GPC6: variants seen among roughly 807,000 people sequenced by gnomAD.
GPC6 encodes glypican-6.
Under a neutral mutation model 55.2 loss-of-function variants are expected in GPC6, and 14 were observed. That is an observed-to-expected ratio of 0.25 (90% confidence interval 0.17 to 0.40). GPC6 has a LOEUF of 0.40. GPC6 is among the 10% of genes least tolerant of loss of function. The pLI is 1.00. For missense variants in GPC6, 641 were observed against 708.5 expected, an observed-to-expected ratio of 0.90 and a Z score of 1.08; for synonymous variants, 278 against 259.6, an observed-to-expected ratio of 1.07 and a Z score of -0.68.
intron 6 of GPC6, among the ~76,000 whole-genome samples, chr13:94,360,946 G>A (rs2139180506): frequency 6.6e-6 from 1 of 152,312 alleles, no homozygotes; most frequent in East Asian, 1.9e-4. Context: ...CACTGTTCTT[G>A]TGAGGTTGTG....
Position 93,315,661 on chromosome 13 carries a change from T to G in GPC6, c.160+88045T>G, listed in dbSNP as rs1879222425. On this transcript the variant is annotated intron_variant, in intron 1 of 8. Transcript: ENST00000377047. Reference sequence around the variant, plus strand: ...ACTAAGACTAAAAGTGTACCTAAGATTGGTTGTTGTGAAGTTTTAAAAATG... The same window carrying G: ...ACTAAGACTAAAAGTGTACCTAAGAGTGGTTGTTGTGAAGTTTTAAAAATG... Among the ~76,000 whole-genome samples the G allele has an allele frequency of 4.6e-5, 7 of 151,880 alleles. 1 individual carries two copies. The South Asian group carries it at 1.4e-3, about 31-fold the overall frequency.
intron 3 of GPC6, among the ~76,000 whole-genome samples, chr13:93,881,779 T>G (rs1425962001): frequency 6.6e-6 from 1 of 152,144 alleles, no homozygotes; most frequent in Non-Finnish European, 1.5e-5. Flanking sequence ...AATATCCTAG[T>G]GTTCATTCTA....
At chr13:93,822,111 A>G (rs1440657136) in intron 2 of GPC6, among the ~76,000 whole-genome samples, 1 of 152,040 alleles carries the variant, frequency 6.6e-6, no homozygotes, top group Non-Finnish European at 1.5e-5. Flanking sequence ...GATTTACACA[A>G]TATTGTCTGT....
At chr13:94,237,405 A>G (rs1362694794) in intron 4 of GPC6, among the ~76,000 whole-genome samples, 1 of 151,838 alleles carries the variant, frequency 6.6e-6, no homozygotes, top group Non-Finnish European at 1.5e-5. Context: ...TATGACAACT[A>G]CACCTGTGAA....
chr13:93,935,539 T>C (rs1159103599), intron 3 of GPC6, among the ~76,000 whole-genome samples: 1 of 152,232 alleles, frequency 6.6e-6, no homozygotes, highest in Non-Finnish European at 1.5e-5. Context: ...TTTGCTATTG[T>C]GAATAGTGCT....
At chr13:93,423,099 A>G (rs1402280029) in intron 1 of GPC6, among the ~76,000 whole-genome samples, 1 of 152,170 alleles carries the variant, frequency 6.6e-6, no homozygotes, top group East Asian at 1.9e-4. Flanking sequence ...CAAATTACTT[A>G]ACCTCTTTCA....
At chr13:94,363,731 G>A (rs1594207636) in intron 6 of GPC6, among the ~76,000 whole-genome samples, 1 of 152,164 alleles carries the variant, frequency 6.6e-6, no homozygotes, top group African/African-American at 2.4e-5. Context: ...GGGATGTGCT[G>A]TAGACAGAAC....
At chr13:94,158,876 G>A (rs1231114226) in intron 4 of GPC6, among the ~76,000 whole-genome samples, 1 of 152,052 alleles carries the variant, frequency 6.6e-6, no homozygotes, top group Non-Finnish European at 1.5e-5. Flanking sequence ...GCATATGGCA[G>A]CTTTTATTAA....
rs67581832 is a variant in GPC6, at chr13:93,843,079, C to CTT, written c.711+12548_711+12549dup. Among the ~76,000 whole-genome samples the CTT allele has an allele frequency of 7.4e-5, 10 of 134,372 alleles. No individual in the cohort carries two copies. In the East Asian group the frequency reaches 8.5e-4, roughly 11 times the overall value. The allele number at this position is 134,372 out of a possible 152,430, so 88.2% of individuals were successfully genotyped here. The stretch of plus-strand genomic sequence containing the variant: ...GCATTTCCCCACCTCGGTGGCACTT[C>CTT]TTTTTTTTTTTTTTTAAGTACTCCT... On this transcript the variant is annotated intron_variant, in intron 3 of 8. Coordinates refer to ENST00000377047, the MANE Select transcript of GPC6 (RefSeq NM_005708.5).
intron 4 of GPC6, among the ~76,000 whole-genome samples, chr13:94,127,991 A>G (rs1182099487): frequency 1.3e-5 from 2 of 152,182 alleles, no homozygotes; most frequent in Non-Finnish European, 2.9e-5. Flanking sequence ...AGACAATGTT[A>G]TACAGTCCAC....
At chr13:93,659,159 G>A (rs1001921675) in intron 2 of GPC6, among the ~76,000 whole-genome samples, 5 of 151,806 alleles carry the variant, frequency 3.3e-5, no homozygotes, top group Non-Finnish European at 7.4e-5. Context: ...AATTAATCAT[G>A]ATAGCCCATT....
At chr13:93,449,781 T>C (rs1246391286) in intron 1 of GPC6, among the ~76,000 whole-genome samples, 1 of 151,134 alleles carries the variant, frequency 6.6e-6, no homozygotes, top group Non-Finnish European at 1.5e-5. Flanking sequence ...TGAGCTGAGA[T>C]GGTGCCACTG....
intron 4 of GPC6, among the ~76,000 whole-genome samples, chr13:94,070,832 G>A (rs970052166): frequency 2.0e-5 from 3 of 152,194 alleles, no homozygotes; most frequent in African/African-American, 2.4e-5. Context: ...CTTTAAAGCA[G>A]ATGGCCTCTA....
At chr13:94,055,098 T>C (rs1884086434) in intron 4 of GPC6, among the ~76,000 whole-genome samples, 1 of 152,188 alleles carries the variant, frequency 6.6e-6, no homozygotes, top group Non-Finnish European at 1.5e-5. Context: ...TATTGTCGTC[T>C]GACAGGGAAG....
intron 4 of GPC6, among the ~76,000 whole-genome samples, chr13:94,098,799 A>G (rs1885752582): frequency 6.6e-6 from 1 of 152,204 alleles, no homozygotes; most frequent in South Asian, 2.1e-4. Context: ...ATGAGAAAGC[A>G]AAATATTTGA....
At chr13:93,579,897 G>C (rs1876855038) in intron 2 of GPC6, among the ~76,000 whole-genome samples, 1 of 152,090 alleles carries the variant, frequency 6.6e-6, no homozygotes, top group South Asian at 2.1e-4. Flanking sequence ...ATTATCCATA[G>C]ACCCCTAAAA....
chr13:93,386,471 G>A (rs1190847534), intron 1 of GPC6, among the ~76,000 whole-genome samples: 1 of 151,310 alleles, frequency 6.6e-6, no homozygotes, highest in Admixed American at 6.6e-5. Context: ...TACACTAATA[G>A]TGCATAACAA....
At chr13:93,672,752 C>A (rs996800643) in intron 2 of GPC6, among the ~76,000 whole-genome samples, 1 of 151,622 alleles carries the variant, frequency 6.6e-6, no homozygotes, top group Non-Finnish European at 1.5e-5. Flanking sequence ...AATACATTCT[C>A]TCAGTAGACA....
In GPC6 at chr13:93,404,345, G is replaced by T. The variant is rs1442149182; in HGVS notation, c.161-140918G>T. 2.6e-5 allele frequency among the ~76,000 whole-genome samples: 4 copies of T among 152,108 alleles called. No homozygotes were observed. The East Asian group carries it at 7.7e-4, about 29-fold the overall frequency. On this transcript the variant is annotated intron_variant, in intron 1 of 8. Transcript: ENST00000377047. ...AATTAAGAAAAACTGAAGGCGTGGA[G>T]TGTGGACCAGGTTACAGTAAATTCT...
Sources: allele counts gnomAD v4.1 joint callset (sites outside exome capture counted in the v4.1 genomes callset), GRCh38; gene constraint gnomAD v4.1.1; transcripts MANE v1.5; gene names NCBI Gene and HGNC (gene_info 2026-07-23, HGNC 2026-07-21).